Variants in TEX14 observed in about 807,000 individuals in gnomAD.
The protein encoded by TEX14 is testis expressed 14, intercellular bridge forming factor, also known as inactive serine/threonine-protein kinase TEX14.
A neutral mutation model predicts 178.6 loss-of-function variants in TEX14; 168 were observed. The observed-to-expected ratio is 0.94, with a 90% CI of 0.83 to 1.07. The LOEUF is 1.07. Among genes scored for constraint, TEX14 ranks in the 50% least tolerant of loss-of-function variants. The probability of loss-of-function intolerance (pLI) is 0.00; values close to 1 mark genes in which losing one functional copy is unlikely to be tolerated. For synonymous variants in TEX14, 626 were observed against 634.1 expected, an observed-to-expected ratio of 0.99 and a Z score of 0.19; for missense variants, 1,730 against 1,753.6, an observed-to-expected ratio of 0.99 and a Z score of 0.24.
chr17:58,618,732 G>C (rs1386025609), intron 5 of TEX14, among the ~76,000 whole-genome samples: 1 of 152,246 alleles, frequency 6.6e-6, no homozygotes, highest in Non-Finnish European at 1.5e-5. Flanking sequence ...GAGAACAGAT[G>C]TAAGTGCTTT....
chr17:58,574,849 G>T (rs2044638562), intron 21 of TEX14, among the ~76,000 whole-genome samples: 1 of 151,988 alleles, frequency 6.6e-6, no homozygotes, highest in African/African-American at 2.4e-5. Context: ...GCAAATTCAT[G>T]AGAAAATCAA....
Position 58,691,928 on chromosome 17 carries a change from T to C in TEX14, c.-2+11A>G, listed in dbSNP as rs866396939. ...AGCCCAGACACACTAATGGGGACAT[T>C]AGTTGCTTACTTTTCCAGCTACTGC... On this transcript the variant is annotated intron_variant, in intron 1 of 31. Transcript: ENST00000349033. 1.3e-5 allele frequency: 2 copies of C among 152,218 alleles called. No individual in the cohort carries two copies. The highest frequency in any genetic ancestry group is 1.5e-5 in the Non-Finnish European group (1 of 68,332). The allele number at this position is 152,218 out of a possible 1,614,324, so 9.4% of individuals were successfully genotyped here.
rs190752465 is a variant in TEX14, at chr17:58,609,435, G to A, written c.1184+1726C>T. Reference sequence around the variant, plus strand: ...ATTTTGTATTTTTAGTAGAGATGGGGTTTCTCAATGTTGGTCAGGCTGGTA... The same window carrying A: ...ATTTTGTATTTTTAGTAGAGATGGGATTTCTCAATGTTGGTCAGGCTGGTA... On this transcript the variant is annotated intron_variant, in intron 10 of 31. Coordinates refer to ENST00000349033, the MANE Select transcript of TEX14 (RefSeq NM_031272.5). Among the ~76,000 whole-genome samples the A allele has an allele frequency of 2.4e-4, 36 of 152,288 alleles. No homozygotes were observed. In the East Asian group the frequency reaches 6.6e-3, roughly 28 times the overall value.
intron 2 of TEX14, among the ~76,000 whole-genome samples, chr17:58,647,536 A>G (rs1442119952): frequency 6.6e-6 from 1 of 151,160 alleles, no homozygotes; most frequent in South Asian, 2.1e-4. Context: ...CGTCTCAAAG[A>G]AAAAAAAGTG....
At chr17:58,684,877 G>A (rs1007851886) in intron 1 of TEX14, among the ~76,000 whole-genome samples, 1 of 152,058 alleles carries the variant, frequency 6.6e-6, no homozygotes, top group East Asian at 1.9e-4. Context: ...TCAAGAGGCT[G>A]TGGCATAAGA....
chr17:58,632,216 G>A (rs2046338311), intron 2 of TEX14, among the ~76,000 whole-genome samples: 2 of 152,222 alleles, frequency 1.3e-5, no homozygotes, highest in South Asian at 4.1e-4. Context: ...ACCAAAGAGT[G>A]AAGGGAAAGC....
At chr17:58,684,196 G>A (rs1322339975) in intron 1 of TEX14, among the ~76,000 whole-genome samples, 2 of 150,902 alleles carry the variant, frequency 1.3e-5, no homozygotes, top group East Asian at 2.0e-4. Context: ...GGTGACTCAC[G>A]TGAGCCTATA....
At position 58,585,984 on chromosome 17, in the gene TEX14, T is replaced by G. The variant is rs1286323414; in HGVS notation, c.2887A>C (p.Asn963His). 6.2e-7 allele frequency: 1 copy of G among 1,614,048 alleles called. No individual in the cohort carries two copies. ...SSLTLESEAE[N>H]EPDALLQPPI... ...GGCTGCAGCAGGGCGTCGGGCTCAT[T>G]TTCAGCCTCGCTCTCTAAAGTCAGA... Residue 963 changes from asparagine (N) to histidine (H), a missense_variant, in exon 18 of 32, where the codon AAT (asparagine) becomes CAT (histidine). Coordinates refer to ENST00000349033, the MANE Select transcript of TEX14 (RefSeq NM_031272.5).
At chr17:58,620,699 T>C (rs1294268075) in intron 5 of TEX14, among the ~76,000 whole-genome samples, 3 of 152,130 alleles carry the variant, frequency 2.0e-5, no homozygotes, top group Non-Finnish European at 4.4e-5. Flanking sequence ...TTCACCATGT[T>C]GGCCAGGCTG....
At chr17:58,645,948 C>G (rs1406791075) in intron 2 of TEX14, among the ~76,000 whole-genome samples, 1 of 152,136 alleles carries the variant, frequency 6.6e-6, no homozygotes, top group Admixed American at 6.5e-5. Context: ...TAAATCATCT[C>G]TAGATTATTT....
intron 1 of TEX14, among the ~76,000 whole-genome samples, chr17:58,652,855 C>T (rs992558981): frequency 6.6e-6 from 1 of 152,142 alleles, no homozygotes; most frequent in African/African-American, 2.4e-5. Context: ...CCTGTGTGAC[C>T]TTGGAGAAAT....
intron 1 of TEX14, chr17:58,675,433 G>T: frequency 6.5e-6 from 1 of 154,744 alleles, no homozygotes; most frequent in South Asian, 1.8e-4. Context: ...TGAAGTGAGA[G>T]GAGATGAGAA....
intron 11 of TEX14, among the ~76,000 whole-genome samples, chr17:58,604,477 A>C (rs574576352): frequency 1.7e-4 from 25 of 151,426 alleles, no homozygotes; most frequent in African/African-American, 6.1e-4. Flanking sequence ...TCTCAAAAAA[A>C]ATAAAAAATA....
chr17:58,593,830 CT>C (rs1158389433), intron 14 of TEX14, among the ~76,000 whole-genome samples, 169 bp from the exon 15 acceptor site: 2 of 152,042 alleles, frequency 1.3e-5, no homozygotes, highest in Admixed American at 6.6e-5. Context: ...ATCTGGAGGT[CT>C]TTTTTTGTTT....
chr17:58,560,446 A>T (rs2044251537), intron 29 of TEX14, among the ~76,000 whole-genome samples: 1 of 152,242 alleles, frequency 6.6e-6, no homozygotes, highest in Non-Finnish European at 1.5e-5. Flanking sequence ...GAGCAGCAGT[A>T]ACCATTACTA....
At chr17:58,572,253 AAAACAAAC>A (rs10684412) in intron 23 of TEX14, 127 bp from the exon 24 acceptor site, 113,550 of 588,260 alleles carry the variant, frequency 0.19, 11,770 homozygotes, top group East Asian at 0.21. Context: ...TTACATTATT[AAAACAAAC>A]AAACAAACAA....
At chr17:58,572,369 G>T (rs563794152) in intron 23 of TEX14, among the ~76,000 whole-genome samples, 1 of 152,126 alleles carries the variant, frequency 6.6e-6, no homozygotes, top group Non-Finnish European at 1.5e-5. Context: ...GGTGGCTCAC[G>T]CCTGTAATCC....
chr17:58,659,289 C>A (rs961250999), intron 1 of TEX14: 2 of 958,968 alleles, frequency 2.1e-6, no homozygotes, highest in African/African-American at 1.8e-5. Flanking sequence ...AGCGTCTCTC[C>A]CCCGCCACAA....
intron 1 of TEX14, among the ~76,000 whole-genome samples, chr17:58,677,003 C>T (rs1037911960): frequency 6.6e-6 from 1 of 151,378 alleles, no homozygotes; most frequent in African/African-American, 2.4e-5. Flanking sequence ...CCTGTAATCC[C>T]AGCTACTCAG....
Sources: gnomAD v4.1 joint callset for allele counts (sites outside exome capture counted in the v4.1 genomes callset) on GRCh38, gnomAD v4.1.1 for gene constraint, MANE v1.5 for transcripts, NCBI Gene and HGNC (gene_info 2026-07-23, HGNC 2026-07-21) for gene names.